The following STK3 variants were observed in gnomAD, a reference collection of about 807,000 sequenced individuals.
STK3 encodes serine/threonine-protein kinase 3.
In STK3, 41 loss-of-function variants were observed where a neutral mutation model predicts 58.0. The ratio of observed to expected loss-of-function variants is 0.71; its 90% CI spans 0.55 to 0.92. STK3 has a LOEUF of 0.92. Ranked by LOEUF, STK3 falls within the 40% of genes least tolerant of loss-of-function variation. The pLI is 0.00. For synonymous variants in STK3, 170 were observed against 191.0 expected (o/e 0.89, Z 0.91); for missense variants, 479 against 602.7 (o/e 0.79, Z 2.15).
chr8:98,742,318 T>C (rs1829289304), intron 4 of STK3, among the ~76,000 whole-genome samples: 1 of 150,122 alleles, frequency 6.7e-6, no homozygotes, highest in South Asian at 2.1e-4. Context: ...TGAACGTTGA[T>C]GCAAAAATGC....
chr8:98,404,180 T>C (rs1817971068), intron 3 of STK3, among the ~76,000 whole-genome samples: 1 of 152,216 alleles, frequency 6.6e-6, no homozygotes, highest in Admixed American at 6.5e-5. Context: ...AAAAACTATA[T>C]GCTGTCTCTC....
At chr8:98,774,200 T>G (rs1205717889) in intron 2 of STK3, among the ~76,000 whole-genome samples, 1 of 152,204 alleles carries the variant, frequency 6.6e-6, no homozygotes, top group East Asian at 1.9e-4. Context: ...ATTTTGGAAA[T>G]TCTCCTATAC....
chr8:98,495,130 C>T (rs1756919613), intron 10 of STK3, among the ~76,000 whole-genome samples: 1 of 152,174 alleles, frequency 6.6e-6, no homozygotes, highest in African/African-American at 2.4e-5. Flanking sequence ...GGATATTTTG[C>T]CCGTACATCT....
At chr8:98,688,013 T>C (rs1824130670) in intron 6 of STK3, among the ~76,000 whole-genome samples, 1 of 152,180 alleles carries the variant, frequency 6.6e-6, no homozygotes, top group Non-Finnish European at 1.5e-5. Flanking sequence ...AAAATCCCTC[T>C]TTCTCTTATC....
chr8:98,903,726 G>C (rs960039114), intron 1 of STK3, among the ~76,000 whole-genome samples: 1 of 151,604 alleles, frequency 6.6e-6, no homozygotes, highest in African/African-American at 2.4e-5. Context: ...TTTGACAGAA[G>C]GTATGGAAAC....
chr8:98,681,865 A>G (rs1823663887), intron 6 of STK3, among the ~76,000 whole-genome samples: 1 of 152,246 alleles, frequency 6.6e-6, no homozygotes, highest in Admixed American at 6.5e-5. Context: ...ACTTGTTTAA[A>G]AAGTCATGTA....
intron 6 of STK3, among the ~76,000 whole-genome samples, chr8:98,622,277 A>G (rs1563816684): frequency 6.6e-6 from 1 of 151,958 alleles, no homozygotes; most frequent in East Asian, 1.9e-4. Flanking sequence ...TCCAAAAAAA[A>G]AAAAATTGGA....
At chr8:98,802,793 T>C (rs1233644507) in intron 1 of STK3, among the ~76,000 whole-genome samples, 1 of 152,186 alleles carries the variant, frequency 6.6e-6, no homozygotes, top group Non-Finnish European at 1.5e-5. Flanking sequence ...AGAAAACTCA[T>C]TGATATAAAA....
rs61171914 is a variant in STK3, at chr8:98,759,308, T to C, written c.236+7935A>G. ...GAATTACTAATTGGCCTAATTTCAA[T>C]ATTGTGTCTCAAGGAATAGGAAAGC... On this transcript the variant is annotated intron_variant, in intron 3 of 10. Coordinates refer to ENST00000419617, the MANE Select transcript of STK3 (RefSeq NM_006281.4). 4.3e-3 allele frequency among the ~76,000 whole-genome samples: 659 copies of C among 152,188 alleles called. 3 individuals are homozygous for C. The highest frequency in any genetic ancestry group is 0.015 in the African/African-American group (634 of 41,536).
At chr8:98,700,253 C>T (rs1825443158) in intron 6 of STK3, among the ~76,000 whole-genome samples, 2 of 152,226 alleles carry the variant, frequency 1.3e-5, no homozygotes, top group South Asian at 4.1e-4. Flanking sequence ...ACCCGATTTT[C>T]CAGGTGCCGT....
In STK3 at chr8:98,476,763, A is replaced by G. The variant is rs376124024; in HGVS notation, c.1318-20763T>C. ...AACAGCCATAGCCAAAATTATTTTT[A>G]CACAGTCAACTCAAAATGTTTCCAA... is the stretch of plus-strand genomic sequence containing the variant. On this transcript the variant is annotated intron_variant, in intron 10 of 10. Coordinates refer to ENST00000419617, the MANE Select transcript of STK3 (RefSeq NM_006281.4). 3.9e-5 allele frequency among the ~76,000 whole-genome samples: 6 copies of G among 152,378 alleles called. No homozygotes were observed. In the South Asian group the frequency reaches 8.3e-4, roughly 21 times the overall value.
chr8:98,691,800 C>G (rs556438885), intron 6 of STK3, among the ~76,000 whole-genome samples: 3 of 151,806 alleles, frequency 2.0e-5, no homozygotes, highest in Non-Finnish European at 4.4e-5. Flanking sequence ...GGCGTGGTGG[C>G]GCGCATCTGT....
At chr8:98,599,617 G>C (rs1417307436) in intron 6 of STK3, among the ~76,000 whole-genome samples, 2 of 152,110 alleles carry the variant, frequency 1.3e-5, no homozygotes, top group Non-Finnish European at 2.9e-5. Flanking sequence ...AGTTAGGAAA[G>C]GGATGGAGAA....
chr8:98,885,624 G>A (rs1460695279), intron 1 of STK3, among the ~76,000 whole-genome samples: 1 of 152,156 alleles, frequency 6.6e-6, no homozygotes, highest in Non-Finnish European at 1.5e-5. Flanking sequence ...ATTTTTAGTG[G>A]AGACGGGGTT....
intron 1 of STK3, among the ~76,000 whole-genome samples, chr8:98,931,669 A>G (rs768481118): frequency 1.3e-5 from 2 of 152,212 alleles, no homozygotes; most frequent in Non-Finnish European, 2.9e-5. Flanking sequence ...AACTTTGCTG[A>G]CTGGCCCCGC....
At chr8:98,444,175 C>T (rs1056505938) in intron 1 of STK3, among the ~76,000 whole-genome samples, 5 of 152,100 alleles carry the variant, frequency 3.3e-5, no homozygotes, top group African/African-American at 7.2e-5. Flanking sequence ...ACAGAAAGTG[C>T]GGTGACAGTG....
intron 3 of STK3, among the ~76,000 whole-genome samples, chr8:98,422,050 C>CT (rs374784487): frequency 1.3e-5 from 2 of 152,148 alleles, no homozygotes; most frequent in African/African-American, 4.8e-5. Context: ...ACACCCTTCT[C>CT]TGCCTCATCG....
intron 10 of STK3, among the ~76,000 whole-genome samples, chr8:98,464,540 T>TAAAAAAAAAAAAAA: frequency 4.0e-4 from 28 of 69,202 alleles, no homozygotes; most frequent in Non-Finnish European, 6.2e-4. Flanking sequence ...TACTTAAAGT[T>TAAAAAAAAAAAAAA]AAAAAAAAAA....
chr8:98,381,336 T>C (rs778381485), intron 1 of STK3, among the ~76,000 whole-genome samples: 7 of 152,216 alleles, frequency 4.6e-5, no homozygotes, highest in Admixed American at 1.3e-4. Flanking sequence ...CCCTGAGATC[T>C]GCATTTCCAC....
Sources: gnomAD v4.1 joint callset for allele counts (sites outside exome capture counted in the v4.1 genomes callset) on GRCh38, gnomAD v4.1.1 for gene constraint, MANE v1.5 for transcripts, NCBI Gene and HGNC (gene_info 2026-07-23, HGNC 2026-07-21) for gene names.